SLC9A9: variants seen among roughly 807,000 people sequenced by gnomAD.
SLC9A9 encodes solute carrier family 9 member A9, also known as sodium/hydrogen exchanger 9.
Under a neutral mutation model 77.8 loss-of-function variants are expected in SLC9A9, and 62 were observed. The observed-to-expected ratio is 0.80, with a 90% CI of 0.65 to 0.98. SLC9A9 has a LOEUF of 0.98. Among genes scored for constraint, SLC9A9 ranks in the 50% least tolerant of loss-of-function variants. SLC9A9 has a pLI of 0.00. For synonymous variants in SLC9A9, 320 were observed against 283.5 expected, an observed-to-expected ratio of 1.13 and a Z score of -1.29; for missense variants, 775 against 774.9, an observed-to-expected ratio of 1.00 and a Z score of 0.00.
chr3:143,384,517 TA>T (rs1243476645), intron 12 of SLC9A9, among the ~76,000 whole-genome samples: 1 of 152,176 alleles, frequency 6.6e-6, no homozygotes, highest in Non-Finnish European at 1.5e-5. Flanking sequence ...TAGAATTTTA[TA>T]AGAAGCCCAA....
chr3:143,578,439 C>T (rs918571454), intron 7 of SLC9A9, 146 bp downstream of exon 7: 2 of 1,249,552 alleles, frequency 1.6e-6, no homozygotes, highest in Admixed American at 2.0e-5. Flanking sequence ...TGACTGAGAA[C>T]CAAGATGGCA....
intron 14 of SLC9A9, among the ~76,000 whole-genome samples, chr3:143,280,733 A>C (rs891530952): frequency 4.0e-5 from 6 of 151,638 alleles, no homozygotes; most frequent in African/African-American, 1.5e-4. Flanking sequence ...GTATTTTTTT[A>C]GTAGAGACAG....
intron 12 of SLC9A9, among the ~76,000 whole-genome samples, chr3:143,411,897 G>A (rs1356105222): frequency 6.6e-6 from 1 of 152,106 alleles, no homozygotes; most frequent in Non-Finnish European, 1.5e-5. Context: ...AGGTATGCCG[G>A]TAACTATTCT....
intron 5 of SLC9A9, among the ~76,000 whole-genome samples, chr3:143,667,175 C>T (rs1237417538): frequency 6.6e-6 from 1 of 152,114 alleles, no homozygotes; most frequent in Non-Finnish European, 1.5e-5. Flanking sequence ...AGAAATAATA[C>T]CACACATCTA....
At chr3:143,754,922 C>A (rs776387922) in intron 4 of SLC9A9, among the ~76,000 whole-genome samples, 7 of 152,048 alleles carry the variant, frequency 4.6e-5, no homozygotes, top group Non-Finnish European at 8.8e-5. Context: ...TAAAAGTCTC[C>A]CCCTGTCGCC....
intron 14 of SLC9A9, chr3:143,343,365 G>A (rs2108466214): frequency 6.6e-6 from 1 of 152,292 alleles, no homozygotes; most frequent in East Asian, 1.9e-4. Flanking sequence ...GCGTGGGAAT[G>A]GAGGATGAGA....
At chr3:143,660,513 G>A (rs890085785) in intron 5 of SLC9A9, among the ~76,000 whole-genome samples, 1 of 152,214 alleles carries the variant, frequency 6.6e-6, no homozygotes, top group Non-Finnish European at 1.5e-5. Flanking sequence ...TCAGTAGGTT[G>A]ATTTTCACCT....
intron 5 of SLC9A9, among the ~76,000 whole-genome samples, chr3:143,692,157 CTCT>C (rs1286506909): frequency 6.6e-6 from 1 of 151,630 alleles, no homozygotes; most frequent in Non-Finnish European, 1.5e-5. Context: ...GACAAATTAC[CTCT>C]TTTTTTTTAA....
At position 143,330,619 on chromosome 3, in the gene SLC9A9, A is replaced by G. The variant is rs930861037; in HGVS notation, c.1604+32865T>C. ...CATACTGTTTCCTGAAAATCATAAA[A>G]TGTCCTCCTTCTGTTCCTAACAGAA... On this transcript the variant is annotated intron_variant, in intron 14 of 15. Transcript: ENST00000316549. 4.6e-5 allele frequency among the ~76,000 whole-genome samples: 7 copies of G among 152,206 alleles called. 1 individual carries two copies.
chr3:143,848,367 G>T lies in SLC9A9; in HGVS notation c.-45C>A. On this transcript the variant is annotated 5_prime_UTR_variant, in exon 1 of 16. Transcript: ENST00000316549. ...TCCTTAGATAAAAACCTGGATAAAG[G>T]CTATTTTATCAAGATTTGCCTAAGA... 6.2e-7 allele frequency: 1 copy of T among 1,612,104 alleles called. No individual in the cohort carries two copies. Among genetic ancestry groups the T allele is most frequent in the Admixed American group, 1.7e-5 (1 of 59,936 alleles).
At chr3:143,717,667 A>G (rs1355389698) in intron 4 of SLC9A9, among the ~76,000 whole-genome samples, 1 of 152,166 alleles carries the variant, frequency 6.6e-6, no homozygotes, top group African/African-American at 2.4e-5. Flanking sequence ...AATCTTTTAC[A>G]TCACTGGCCT....
At chr3:143,837,526 A>T (rs184606580) in intron 1 of SLC9A9, among the ~76,000 whole-genome samples, 75 of 152,290 alleles carry the variant, frequency 4.9e-4, no homozygotes, top group Non-Finnish European at 8.7e-4. Flanking sequence ...GCCTCAAACC[A>T]TGTAATATTA....
chr3:143,391,388 G>C (rs2033561792), intron 12 of SLC9A9, among the ~76,000 whole-genome samples: 1 of 152,214 alleles, frequency 6.6e-6, no homozygotes, highest in South Asian at 2.1e-4. Context: ...GCAGCTGAGG[G>C]TCCTGACTGT....
chr3:143,303,448 G>C (rs1016777192), intron 14 of SLC9A9, among the ~76,000 whole-genome samples: 1 of 151,888 alleles, frequency 6.6e-6, no homozygotes, highest in African/African-American at 2.4e-5. Context: ...CAAAGGAGCA[G>C]AGGTGTGAAA....
chr3:143,409,603 AAGAG>A (rs1200193983), intron 12 of SLC9A9, among the ~76,000 whole-genome samples: 8 of 152,346 alleles, frequency 5.3e-5, no homozygotes, highest in East Asian at 3.9e-4. Context: ...TTCTGCATCA[AAGAG>A]AAAGTCAAGA....
intron 5 of SLC9A9, among the ~76,000 whole-genome samples, chr3:143,685,331 G>T (rs1243954941): frequency 6.6e-6 from 1 of 151,900 alleles, no homozygotes; most frequent in Non-Finnish European, 1.5e-5. Context: ...CATTTCTAGG[G>T]TTCAGTAGCA....
In SLC9A9 at chr3:143,763,396, C is replaced by T. The variant is rs185730824; in HGVS notation, c.533+31605G>A. Among the ~76,000 whole-genome samples, 6 of 152,200 alleles carry T rather than the reference C, an allele frequency of 3.9e-5. No homozygotes were observed. In the East Asian group the frequency reaches 1.2e-3, roughly 29 times the overall value. On this transcript the variant is annotated intron_variant, in intron 4 of 15. Transcript: ENST00000316549. ...CAAAGGAATTTTGAGTTGACAGAAT[C>T]CAATCATCTGAGTTAAGGTAAATGT...
At chr3:143,822,416 C>G (rs1238422664) in intron 2 of SLC9A9, among the ~76,000 whole-genome samples, 2 of 152,164 alleles carry the variant, frequency 1.3e-5, no homozygotes, top group African/African-American at 4.8e-5. Flanking sequence ...CTCGATAAAT[C>G]AGAGCCCACT....
intron 6 of SLC9A9, among the ~76,000 whole-genome samples, chr3:143,599,014 C>T (rs913793146): frequency 6.6e-6 from 1 of 152,234 alleles, no homozygotes; most frequent in African/African-American, 2.4e-5. Flanking sequence ...CAGGTCGCCT[C>T]AATCCCTCAT....
Sources: allele counts gnomAD v4.1 joint callset (sites outside exome capture counted in the v4.1 genomes callset), GRCh38; gene constraint gnomAD v4.1.1; transcripts MANE v1.5; gene names NCBI Gene and HGNC (gene_info 2026-07-23, HGNC 2026-07-21).